Variants in RSPO1 observed in about 807,000 individuals in gnomAD.
RSPO1 encodes R-spondin-1.
In RSPO1, 18 loss-of-function variants were observed where a neutral mutation model predicts 26.0. That is an observed-to-expected ratio of 0.69 (90% CI 0.48 to 1.03). The LOEUF is 1.03. RSPO1 is among the 50% of genes least tolerant of loss of function. RSPO1 has a pLI of 0.00. For synonymous variants in RSPO1, 133 were observed against 137.4 expected (o/e 0.97, Z 0.22); for missense variants, 309 against 352.3 (o/e 0.88, Z 0.98).
rs115142092 is a variant in RSPO1 at position 37,628,525 on chromosome 1, A to G, written c.94+1043T>C. 6.1e-3 allele frequency among the ~76,000 whole-genome samples: 923 copies of G among 152,326 alleles called. 11 individuals are homozygous for G. Among genetic ancestry groups the G allele is most frequent in the African/African-American group, 0.021 (886 of 41,570 alleles). ...GGGAGCTGGGCTAGACTTCAGGAAG[A>G]TCTCCTGCCTGTGGGTGTGGCATCT... On this transcript the variant is annotated intron_variant, in intron 3 of 6. Coordinates refer to ENST00000356545, the MANE Select transcript of RSPO1 (RefSeq NM_001242908.2).
At chr1:37,621,547 C>T (rs370565269) in intron 3 of RSPO1, among the ~76,000 whole-genome samples, 1 of 151,954 alleles carries the variant, frequency 6.6e-6, no homozygotes, top group Non-Finnish European at 1.5e-5. Context: ...GCAAGGTGAC[C>T]TCGAGATGCT....
chr1:37,615,096 GAA>G (rs1644091468), intron 4 of RSPO1, among the ~76,000 whole-genome samples: 2 of 152,134 alleles, frequency 1.3e-5, no homozygotes, highest in Non-Finnish European at 2.9e-5. Flanking sequence ...TCTGCCACCT[GAA>G]GCCCATGCTG....
rs1570134668 is a variant in RSPO1, at chr1:37,634,312, G to C, written c.-356+254C>G. On this transcript the variant is annotated intron_variant, in intron 1 of 6. Coordinates refer to ENST00000356545, the MANE Select transcript of RSPO1 (RefSeq NM_001242908.2). This position sits in a 1 kb window ranked among gnomAD's most constrained non-coding sequence, Gnocchi z 4.7. ...CGAGTGAGGATGATCACCCGGGGCT[G>C]CGGGATGGAGGGGAGTTCGAGGGGA... Among the ~76,000 whole-genome samples, 1 of 152,220 alleles carries C rather than the reference G, an allele frequency of 6.6e-6. No homozygotes were observed. Among genetic ancestry groups the C allele is most frequent in the Non-Finnish European group, 1.5e-5 (1 of 68,032 alleles).
At chr1:37,627,363 G>A (rs1390134386) in intron 3 of RSPO1, among the ~76,000 whole-genome samples, 1 of 147,076 alleles carries the variant, frequency 6.8e-6, no homozygotes, top group Non-Finnish European at 1.5e-5. Flanking sequence ...TTTGCACCCA[G>A]AGTCTACACA....
At chr1:37,622,491 A>G (rs1216017863) in intron 3 of RSPO1, among the ~76,000 whole-genome samples, 1 of 152,132 alleles carries the variant, frequency 6.6e-6, no homozygotes, top group Non-Finnish European at 1.5e-5. Context: ...AGCCTGGATG[A>G]CAGGGCAAGA....
intron 3 of RSPO1, among the ~76,000 whole-genome samples, chr1:37,624,631 A>G (rs1156609399): frequency 6.6e-6 from 1 of 152,216 alleles, no homozygotes; most frequent in East Asian, 1.9e-4. Flanking sequence ...GCACTGCTCC[A>G]GGGCAGCTCA....
In RSPO1 at chr1:37,616,561, C is replaced by T. The variant is rs368435213; in HGVS notation, c.209G>A (p.Arg70His). ...LFILLERNDIRQVGVCLPSCP... is the reference protein window; with the variant it reads ...LFILLERNDIHQVGVCLPSCP... ...GGACGGCAAGCAGACGCCCACCTGG[C>T]GGATGTCGTTCCTCTCCAGCAGGAT... The change falls in exon 4 of 7, where the codon CGC (arginine) becomes CAC (histidine). Residue 70 changes from arginine to histidine, a missense_variant. Physicochemically the swap from Arg to His is conservative, Grantham distance 29 (BLOSUM62 0). Coordinates refer to ENST00000356545, the MANE Select transcript of RSPO1 (RefSeq NM_001242908.2). The T allele has an allele frequency of 1.1e-5, 17 of 1,614,054 alleles. No individual in the cohort carries two copies. Among genetic ancestry groups the T allele is most frequent in the South Asian group, 5.5e-5 (5 of 91,086 alleles).
At chr1:37,617,248 C>T (rs1193477815) in intron 3 of RSPO1, among the ~76,000 whole-genome samples, 3 of 152,162 alleles carry the variant, frequency 2.0e-5, no homozygotes, top group Admixed American at 1.3e-4. Context: ...TTGTTAGTGG[C>T]ATCAAGTGGG....
intron 2 of RSPO1, among the ~76,000 whole-genome samples, chr1:37,630,674 C>T (rs756944616): frequency 5.6e-4 from 85 of 152,308 alleles, no homozygotes; most frequent in Admixed American, 2.4e-3. Flanking sequence ...GCAGGGGAGC[C>T]GGTCCCTCCC....
At chr1:37,625,231 C>T (rs1162890536) in intron 3 of RSPO1, among the ~76,000 whole-genome samples, 1 of 152,188 alleles carries the variant, frequency 6.6e-6, no homozygotes, top group African/African-American at 2.4e-5. Flanking sequence ...AATGGGAGCT[C>T]AGTAAAGGAT....
intron 4 of RSPO1, among the ~76,000 whole-genome samples, chr1:37,615,382 C>T (rs1388726519): frequency 6.6e-6 from 1 of 152,124 alleles, no homozygotes; most frequent in Non-Finnish European, 1.5e-5. Context: ...GCATGTCTCA[C>T]AACAACCCTA....
intron 2 of RSPO1, among the ~76,000 whole-genome samples, chr1:37,630,624 G>A (rs1339785144): frequency 6.6e-6 from 1 of 152,258 alleles, no homozygotes; most frequent in Non-Finnish European, 1.5e-5. Context: ...CCCAGCGAGA[G>A]CCAGGTCTCT....
chr1:37,632,380 T>A (rs1182720374), intron 1 of RSPO1, 27 bp from the exon 2 acceptor site: 1 of 152,218 alleles, frequency 6.6e-6, no homozygotes, highest in Non-Finnish European at 1.5e-5. Flanking sequence ...AGGATCCAGA[T>A]GTAAATTTCA....
In RSPO1 at chr1:37,617,601, G is replaced by T. The variant is rs528138325; in HGVS notation, c.95-926C>A. On this transcript the variant is annotated intron_variant, in intron 3 of 6. Coordinates refer to ENST00000356545, the MANE Select transcript of RSPO1 (RefSeq NM_001242908.2). ...CGTTTGAACCTGGGAGGCGGAGTTTGCAGTGAGCTGAGATTGTGCCATTGC... is the reference window on the plus strand; with the variant it reads ...CGTTTGAACCTGGGAGGCGGAGTTTTCAGTGAGCTGAGATTGTGCCATTGC... Among the ~76,000 whole-genome samples, 5 of 135,514 alleles carry T rather than the reference G, an allele frequency of 3.7e-5. 1 individual carries two copies. The South Asian group carries it at 1.2e-3, about 32-fold the overall frequency. 88.9% of individuals were successfully genotyped at this position (135,514 alleles called of 152,430 possible). A position where few individuals can be genotyped will look rare whatever the true frequency, so the allele number is the denominator to read the frequency against.
Position 37,612,904 on chromosome 1 carries a change from C to T in RSPO1, c.643G>A (p.Gly215Arg), listed in dbSNP as rs370389098. ...GCATTCTCCCGCCGGCCCTGGCCTCCCTTCCTCCTCTTCTGCCCTGAAACA... is the reference window on the plus strand; with the variant it reads ...GCATTCTCCCGCCGGCCCTGGCCTCTCTTCCTCCTCTTCTGCCCTGAAACA... The part of the protein sequence containing the change: ...PCPEGQKRRK[G>R]GQGRRENANR... The change falls in exon 7 of 7, where the codon GGA becomes AGA. Residue 215 changes from glycine (G) to arginine (R), a missense_variant. Gly to Arg is a moderately radical substitution (Grantham distance 125). Coordinates refer to ENST00000356545, the MANE Select transcript of RSPO1 (RefSeq NM_001242908.2). 1.9e-6 allele frequency: 3 copies of T among 1,614,120 alleles called. No homozygotes were observed. Among genetic ancestry groups the T allele is most frequent in the South Asian group, 1.1e-5 (1 of 91,080 alleles).
chr1:37,618,052 A>C (rs1290751657), intron 3 of RSPO1, among the ~76,000 whole-genome samples: 1 of 152,246 alleles, frequency 6.6e-6, no homozygotes, highest in Non-Finnish European at 1.5e-5. Context: ...GAGGTGTAAA[A>C]CTAGGGAAAG....
chr1:37,633,277 G>A (rs7556012), intron 1 of RSPO1, among the ~76,000 whole-genome samples: 29,978 of 152,266 alleles, frequency 0.2, 3,622 homozygotes, highest in East Asian at 0.47. Context: ...GCAACCCGCT[G>A]GGAGCTGCTG....
rs375255950 is a variant in RSPO1, at chr1:37,627,319, C to A, written c.94+2249G>T. Among the ~76,000 whole-genome samples, 361 of 152,190 alleles carry A rather than the reference C, an allele frequency of 2.4e-3. 2 individuals are homozygous for A. The highest frequency in any genetic ancestry group is 8.2e-3 in the African/African-American group (342 of 41,522). Reference sequence around the variant, plus strand: ...CCCTACTCCCCCAGAATCAGTAAGGCAAAATGGTCTACACATTGTTTATAT... The same window carrying A: ...CCCTACTCCCCCAGAATCAGTAAGGAAAAATGGTCTACACATTGTTTATAT... On this transcript the variant is annotated intron_variant, in intron 3 of 6. Coordinates refer to ENST00000356545, the MANE Select transcript of RSPO1 (RefSeq NM_001242908.2).
At chr1:37,618,765 G>A (rs1442565783) in intron 3 of RSPO1, among the ~76,000 whole-genome samples, 1 of 152,118 alleles carries the variant, frequency 6.6e-6, no homozygotes, top group Non-Finnish European at 1.5e-5. Flanking sequence ...GGGGCCAGAC[G>A]TGAAAAGAAG....
Sources: gnomAD v4.1 joint callset for allele counts (sites outside exome capture counted in the v4.1 genomes callset) on GRCh38, gnomAD v4.1.1 for gene constraint, Gnocchi (gnomAD v3.1) non-coding constraint, MANE v1.5 for transcripts, NCBI Gene and HGNC (gene_info 2026-07-23, HGNC 2026-07-21) for gene names.